MKRN2OS: variants seen among roughly 807,000 people sequenced by gnomAD.
MKRN2OS encodes the protein MKRN2 opposite strand protein.
A neutral mutation model predicts 18.2 loss-of-function variants in MKRN2OS; 17 were observed. The ratio of observed to expected loss-of-function variants is 0.93; its 90% CI spans 0.64 to 1.40. The LOEUF (loss-of-function observed/expected upper bound fraction) is 1.40, where lower values mean the gene tolerates loss of function less well. Ranked by LOEUF, MKRN2OS falls within the 40% of genes most tolerant of loss-of-function variation. MKRN2OS has a pLI of 0.00. For missense variants in MKRN2OS, 337 were observed against 283.0 expected (o/e 1.19, Z -1.37); for synonymous variants, 121 against 108.5 (o/e 1.12, Z -0.72).
intron 1 of MKRN2OS, chr3:12,556,864 C>G: frequency 2.7e-6 from 1 of 372,334 alleles, no homozygotes; most frequent in African/African-American, 2.1e-5. Flanking sequence ...CGGGATAAGA[C>G]TGGCAGGACT....
chr3:12,553,010 G>A (rs1293517356), downstream of MKRN2OS, among the ~76,000 whole-genome samples: 2 of 85,634 alleles, frequency 2.3e-5, no homozygotes, highest in Non-Finnish European at 4.4e-5. Context: ...AGTGAGACCC[G>A]GTCTCCAAAA....
chr3:12,556,984 C>T lies in MKRN2OS; in HGVS notation n.265-2850G>A, dbSNP rs114199079. On this transcript the variant is annotated intron_variant and non_coding_transcript_variant, in intron 1 of 1. Transcript: ENST00000447550. ...GGTGCGGAACCAATTGTGACGACGG[C>T]TAGGTTACCCGCCGGCGCTACAAAG... The T allele has an allele frequency of 5.6e-4, 394 of 704,664 alleles. No homozygotes were observed. The African/African-American group carries it at 6.6e-3, about 12-fold the overall frequency. The allele number at this position is 704,664 out of a possible 1,614,324, so 43.7% of individuals were successfully genotyped here.
chr3:12,540,614 C>G (rs2125285884), intron 3 of MKRN2OS, among the ~76,000 whole-genome samples, 181 bp from the exon 4 acceptor site: 1 of 152,186 alleles, frequency 6.6e-6, no homozygotes, highest in East Asian at 1.9e-4. Context: ...TGGCTCACAC[C>G]TGTAATCCCA....
At chr3:12,546,783 G>C (rs1257941098), upstream of MKRN2OS, among the ~76,000 whole-genome samples, 3 of 151,898 alleles carry the variant, frequency 2.0e-5, no homozygotes, top group East Asian at 5.8e-4. Context: ...TCACCATGTC[G>C]GCCAGGCTGG....
At chr3:12,550,833 T>C (rs894016190), downstream of MKRN2OS, among the ~76,000 whole-genome samples, 6 of 33,994 alleles carry the variant, frequency 1.8e-4, no homozygotes, top group African/African-American at 4.8e-3. Flanking sequence ...TTGGGTTATA[T>C]GTGTTGGGTA....
At chr3:12,545,076 C>T (rs2057867444) in intron 1 of MKRN2OS, among the ~76,000 whole-genome samples, 171 bp downstream of exon 1, 1 of 152,124 alleles carries the variant, frequency 6.6e-6, no homozygotes, top group East Asian at 1.9e-4. Context: ...ATATGCACAC[C>T]ATCTGTTTTT....
Position 12,540,162 on chromosome 3 carries a change from C to T in MKRN2OS, c.*31G>A, listed in dbSNP as rs2057773397. 1 of 1,535,760 alleles carries T rather than the reference C, an allele frequency of 6.5e-7. No individual in the cohort carries two copies. The highest frequency in any genetic ancestry group is 2.0e-5 in the Admixed American group (1 of 50,966). On this transcript the variant is annotated 3_prime_UTR_variant, in exon 4 of 4. Coordinates refer to ENST00000564146, the MANE Select transcript of MKRN2OS (RefSeq NM_001195279.2). ...GATTAAAGGTAGCAACCACCCTACC[C>T]TCCAGCGTCCAGGCTGCGCTTACAT...
At chr3:12,550,493 A>G (rs1162043965), upstream of MKRN2OS, among the ~76,000 whole-genome samples, 1 of 152,210 alleles carries the variant, frequency 6.6e-6, no homozygotes, top group Non-Finnish European at 1.5e-5. Context: ...ATGTCATTAT[A>G]CATTTGTCAA....
chr3:12,539,946 C>T lies in MKRN2OS; in HGVS notation c.*247G>A, dbSNP rs559934303. 209 of 462,142 alleles carry T rather than the reference C, an allele frequency of 4.5e-4. 1 individual carries two copies. The East Asian group carries it at 7.6e-3, about 17-fold the overall frequency. The allele number at this position is 462,142 out of a possible 1,614,324, so 28.6% of individuals were successfully genotyped here. A position where few individuals can be genotyped will look rare whatever the true frequency, so the allele number is the denominator to read the frequency against. On this transcript the variant is annotated 3_prime_UTR_variant, in exon 4 of 4. Transcript: ENST00000564146. ...GATTACAGGCATGCGCCACCATGCC[C>T]AGCTAATTTTATATTTTTAGTAAGG...
At chr3:12,552,242 C>G (rs1386497550), downstream of MKRN2OS, among the ~76,000 whole-genome samples, 2 of 151,598 alleles carry the variant, frequency 1.3e-5, no homozygotes, top group African/African-American at 4.8e-5. Context: ...TGCTTGAACC[C>G]TGGAGGCGGA....
intron 1 of MKRN2OS, among the ~76,000 whole-genome samples, chr3:12,560,094 C>T (rs1456887019): frequency 1.3e-5 from 2 of 152,138 alleles, no homozygotes; most frequent in Non-Finnish European, 2.9e-5. Context: ...AATGCCTAAC[C>T]GGCAGGGCTG....
chr3:12,547,251 A>G (rs1334361071), upstream of MKRN2OS, among the ~76,000 whole-genome samples: 5 of 152,194 alleles, frequency 3.3e-5, no homozygotes, highest in Non-Finnish European at 5.9e-5. Flanking sequence ...ATTCTTTTAA[A>G]GCTCAATATT....
In MKRN2OS at chr3:12,540,062, G is replaced by T; in HGVS notation, c.*131C>A. ...AGCTTCCCAAAGTGCTGGGATTACA[G>T]GTGTGAGCCACCATGCCCGGCCCAT... On this transcript the variant is annotated 3_prime_UTR_variant, in exon 4 of 4. Coordinates refer to ENST00000564146, the MANE Select transcript of MKRN2OS (RefSeq NM_001195279.2). 1 of 1,329,690 alleles carries T rather than the reference G, an allele frequency of 7.5e-7. No individual in the cohort carries two copies. Among genetic ancestry groups the T allele is most frequent in the Non-Finnish European group, 1.0e-6 (1 of 980,842 alleles). 82.4% of individuals were successfully genotyped at this position (1,329,690 alleles called of 1,614,324 possible). A position where few individuals can be genotyped will look rare whatever the true frequency, so the allele number is the denominator to read the frequency against.
chr3:12,559,375 G>A (rs1459197492), intron 1 of MKRN2OS, among the ~76,000 whole-genome samples: 1 of 152,030 alleles, frequency 6.6e-6, no homozygotes. Context: ...AATGTTCAAG[G>A]TATGATTTAT....
upstream of MKRN2OS, among the ~76,000 whole-genome samples, chr3:12,548,002 C>G (rs2057899111): frequency 6.6e-6 from 1 of 151,442 alleles, no homozygotes; most frequent in African/African-American, 2.4e-5. Context: ...TGAGATTGTT[C>G]ATTATTAATA....
chr3:12,559,817 A>G (rs1293872410), intron 1 of MKRN2OS, among the ~76,000 whole-genome samples: 3 of 152,058 alleles, frequency 2.0e-5, no homozygotes, highest in Admixed American at 6.5e-5. Context: ...GGCCCTTATT[A>G]TAGCTTAGTA....
chr3:12,559,109 A>G (rs13077760), intron 1 of MKRN2OS, among the ~76,000 whole-genome samples: 10,207 of 152,266 alleles, frequency 0.067, 469 homozygotes, highest in Admixed American at 0.16. Flanking sequence ...AACTCATACA[A>G]GGATATGTAA....
chr3:12,549,235 A>T (rs1575508049), upstream of MKRN2OS, among the ~76,000 whole-genome samples: 1 of 151,832 alleles, frequency 6.6e-6, no homozygotes, highest in Admixed American at 6.6e-5. Context: ...GAGCCACCAC[A>T]CCTGGCCTAT....
upstream of MKRN2OS, chr3:12,545,543 G>GC: frequency 9.1e-7 from 1 of 1,104,912 alleles, no homozygotes; most frequent in Admixed American, 2.7e-5. Context: ...AATGCACACC[G>GC]CCCCAAGGAA....
Sources: allele counts gnomAD v4.1 joint callset (sites outside exome capture counted in the v4.1 genomes callset), GRCh38; gene constraint gnomAD v4.1.1; transcripts MANE v1.5; gene names NCBI Gene and HGNC (gene_info 2026-07-23, HGNC 2026-07-21).